Variants in DLC1 observed in about 807,000 individuals in gnomAD.
The protein encoded by DLC1 is DLC1 Rho GTPase activating protein.
Under a neutral mutation model 140.3 loss-of-function variants are expected in DLC1, and 54 were observed. That is an observed-to-expected ratio of 0.38 (90% CI 0.31 to 0.48). The LOEUF (loss-of-function observed/expected upper bound fraction) is 0.48, where lower values mean the gene tolerates loss of function less well. Among genes scored for constraint, DLC1 ranks in the 20% least tolerant of loss-of-function variants. DLC1 has a pLI of 0.96. For synonymous variants in DLC1, 986 were observed against 728.1 expected, an observed-to-expected ratio of 1.35 and a Z score of -5.70; for missense variants, 2,536 against 1,907.0, an observed-to-expected ratio of 1.33 and a Z score of -6.14.
intron 3 of DLC1, among the ~76,000 whole-genome samples, chr8:13,400,719 A>T (rs1837257018): frequency 6.6e-6 from 1 of 152,160 alleles, no homozygotes; most frequent in African/African-American, 2.4e-5. Flanking sequence ...TTATTATTGA[A>T]TAACACAAAT....
At chr8:13,187,282 T>G (rs1395415446) in intron 5 of DLC1, among the ~76,000 whole-genome samples, 1 of 152,214 alleles carries the variant, frequency 6.6e-6, no homozygotes, top group African/African-American at 2.4e-5. Context: ...TTGATCTGCT[T>G]TAGTCACTGA....
intron 1 of DLC1, among the ~76,000 whole-genome samples, chr8:13,535,460 A>C (rs1253698888): frequency 1.3e-5 from 2 of 152,138 alleles, no homozygotes; most frequent in African/African-American, 4.8e-5. Context: ...TTACTGTAAT[A>C]GTGTACAAAG....
chr8:13,089,936 G>A (rs745590114), intron 15 of DLC1, among the ~76,000 whole-genome samples: 2 of 152,236 alleles, frequency 1.3e-5, no homozygotes, highest in Non-Finnish European at 2.9e-5. Context: ...ATCGAAGCGT[G>A]TCATAGGATG....
intron 2 of DLC1, among the ~76,000 whole-genome samples, chr8:13,442,382 C>T (rs1798557025): frequency 6.6e-6 from 1 of 152,154 alleles, no homozygotes; most frequent in East Asian, 1.9e-4. Flanking sequence ...GGAGCTTCTG[C>T]ACAGCAAAAG....
intron 1 of DLC1, among the ~76,000 whole-genome samples, chr8:13,583,152 T>C (rs1229871369): frequency 6.6e-6 from 1 of 151,990 alleles, no homozygotes; most frequent in Non-Finnish European, 1.5e-5. Flanking sequence ...GCATCAATAG[T>C]TGATTCTTCC....
At chr8:13,244,243 A>C (rs769079223) in intron 5 of DLC1, among the ~76,000 whole-genome samples, 4 of 152,070 alleles carry the variant, frequency 2.6e-5, no homozygotes, top group Admixed American at 1.3e-4. Context: ...CCTAAAAATC[A>C]GATCTCTGCC....
chr8:13,364,750 C>G (rs1027020166), intron 4 of DLC1, among the ~76,000 whole-genome samples: 1 of 152,150 alleles, frequency 6.6e-6, no homozygotes, highest in East Asian at 1.9e-4. Flanking sequence ...CTTTGTCAGC[C>G]TTTCAAAGAC....
chr8:13,196,139 A>T (rs1374054629), intron 5 of DLC1, among the ~76,000 whole-genome samples: 7 of 146,924 alleles, frequency 4.8e-5, no homozygotes, highest in Non-Finnish European at 1.0e-4. Flanking sequence ...CGTGAACTCG[A>T]AGAAATATCA....
chr8:13,217,626 A>T (rs1343404330), intron 5 of DLC1, among the ~76,000 whole-genome samples: 1 of 152,080 alleles, frequency 6.6e-6, no homozygotes, highest in Non-Finnish European at 1.5e-5. Context: ...TGAGGTCAGG[A>T]GATCGAGACC....
chr8:13,493,629 C>T (rs1190537018), intron 2 of DLC1, among the ~76,000 whole-genome samples: 1 of 152,156 alleles, frequency 6.6e-6, no homozygotes, highest in Non-Finnish European at 1.5e-5. Flanking sequence ...AGTTACAATA[C>T]TTGTTATACT....
chr8:13,381,921 G>A (rs1387247503), intron 4 of DLC1, among the ~76,000 whole-genome samples: 1 of 152,114 alleles, frequency 6.6e-6, no homozygotes, highest in Non-Finnish European at 1.5e-5. Context: ...GAGATTGGGA[G>A]GCAGGTGGAT....
intron 5 of DLC1, among the ~76,000 whole-genome samples, chr8:13,122,195 C>G (rs1372631726): frequency 2.6e-5 from 4 of 152,148 alleles, no homozygotes; most frequent in Admixed American, 6.5e-5. Context: ...TAGTGACTTT[C>G]CACCGCCTTT....
At chr8:13,603,745 C>T (rs1027938295) in intron 1 of DLC1, among the ~76,000 whole-genome samples, 8 of 151,958 alleles carry the variant, frequency 5.3e-5, no homozygotes, top group African/African-American at 1.9e-4. Context: ...TTAGCTTATC[C>T]ATTAGTGTTA....
chr8:13,262,547 C>G (rs1298228382), intron 5 of DLC1, among the ~76,000 whole-genome samples: 1 of 151,994 alleles, frequency 6.6e-6, no homozygotes, highest in Non-Finnish European at 1.5e-5. Flanking sequence ...TTGATTGAAC[C>G]ATATTTTTAT....
intron 1 of DLC1, among the ~76,000 whole-genome samples, chr8:13,561,560 A>G (rs1348524686): frequency 1.3e-5 from 2 of 152,240 alleles, no homozygotes; most frequent in African/African-American, 2.4e-5. Flanking sequence ...TTGAAGGAAC[A>G]TAGATGGCAA....
chr8:13,190,384 G>C (rs1826677646), intron 5 of DLC1, among the ~76,000 whole-genome samples: 1 of 152,036 alleles, frequency 6.6e-6, no homozygotes, highest in East Asian at 1.9e-4. Flanking sequence ...CACCACCCAT[G>C]GCTGGTGAGG....
chr8:13,551,732 A>G (rs1803858921), intron 1 of DLC1, among the ~76,000 whole-genome samples: 1 of 151,750 alleles, frequency 6.6e-6, no homozygotes. Context: ...ATATGTAGTT[A>G]TATCTATCAA....
chr8:13,118,537 C>G (rs1820768541), intron 5 of DLC1, among the ~76,000 whole-genome samples: 1 of 152,160 alleles, frequency 6.6e-6, no homozygotes, highest in Non-Finnish European at 1.5e-5. Context: ...AAATGAGACC[C>G]TAACCCACTG....
chr8:13,317,072 C>T (rs1267405863), intron 4 of DLC1, among the ~76,000 whole-genome samples: 1 of 152,128 alleles, frequency 6.6e-6, no homozygotes, highest in African/African-American at 2.4e-5. Context: ...CGATTAAAGT[C>T]TACCTTGGTT....
Sources: allele counts gnomAD v4.1 joint callset (sites outside exome capture counted in the v4.1 genomes callset), GRCh38; gene constraint gnomAD v4.1.1; transcripts MANE v1.5; gene names NCBI Gene and HGNC (gene_info 2026-07-23, HGNC 2026-07-21).